DNAJC6: variants seen among roughly 807,000 people sequenced by gnomAD.
DNAJC6 encodes the protein DnaJ heat shock protein family (Hsp40) member C6, also known as auxilin.
DNAJC6 carries 34 observed loss-of-function variants against 110.0 expected under a neutral mutation model. The ratio of observed to expected loss-of-function variants is 0.31; its 90% CI spans 0.24 to 0.41. DNAJC6 has a LOEUF of 0.41. Among genes scored for constraint, DNAJC6 ranks in the 10% least tolerant of loss-of-function variants. The pLI is 1.00. For synonymous variants in DNAJC6, 406 were observed against 437.2 expected (o/e 0.93, Z 0.89); for missense variants, 1,031 against 1,207.8 (o/e 0.85, Z 2.17).
intron 14 of DNAJC6, among the ~76,000 whole-genome samples, chr1:65,401,413 C>T (rs546499013): frequency 9.9e-5 from 15 of 152,274 alleles, no homozygotes; most frequent in Middle Eastern, 3.4e-3. Flanking sequence ...AAGATTCCCA[C>T]GGTCACTCAG....
At chr1:65,314,825 G>T (rs1443294218) in intron 1 of DNAJC6, among the ~76,000 whole-genome samples, 2 of 152,354 alleles carry the variant, frequency 1.3e-5, no homozygotes, top group South Asian at 4.1e-4. Context: ...TTATAGTTTG[G>T]ATGTTTCTGG....
rs772994624 is a variant in DNAJC6, at chr1:65,392,688, A to G, written c.1726A>G (p.Thr576Ala). 1.2e-6 allele frequency: 2 copies of G among 1,612,806 alleles called. No homozygotes were observed. Among genetic ancestry groups the G allele is most frequent in the Admixed American group, 1.7e-5 (1 of 59,856 alleles). Residue 576 changes from threonine (T) to alanine (A), a missense_variant, in exon 12 of 19, where the codon ACC becomes GCC. Thr to Ala is a moderately conservative substitution (Grantham distance 58). Transcript: ENST00000371069. ...NSFSPPAAPP[T>A]NSELLSDLFG... ...CTTCTCTCCGCCAGCGGCTCCTCCC[A>G]CCAATTCTGAACTACTGAGTGACCT...
intron 1 of DNAJC6, among the ~76,000 whole-genome samples, chr1:65,360,720 A>T (rs1645589054): frequency 6.6e-6 from 1 of 152,206 alleles, no homozygotes; most frequent in Non-Finnish European, 1.5e-5. Flanking sequence ...TCAGATTTGT[A>T]ACACTAGCCG....
chr1:65,374,428 CT>C (rs1188907229), intron 4 of DNAJC6, among the ~76,000 whole-genome samples: 4 of 151,772 alleles, frequency 2.6e-5, no homozygotes. Context: ...AATACCTTTC[CT>C]TTTTTTGTGT....
intron 16 of DNAJC6, among the ~76,000 whole-genome samples, chr1:65,407,179 T>C (rs1646085190): frequency 6.6e-6 from 1 of 152,152 alleles, no homozygotes; most frequent in Non-Finnish European, 1.5e-5. Context: ...ATGTGAAGCA[T>C]CCCTCTGTCT....
At chr1:65,386,574 C>A (rs567851083) in intron 7 of DNAJC6, among the ~76,000 whole-genome samples, 88 of 152,268 alleles carry the variant, frequency 5.8e-4, no homozygotes, top group African/African-American at 2.0e-3. Flanking sequence ...CAGGCATGGG[C>A]AATTGCAGTC....
upstream of DNAJC6, among the ~76,000 whole-genome samples, chr1:65,306,972 TTCTCTCTCTCTCTCTCTCTC>T (rs144458447): frequency 3.9e-3 from 352 of 90,426 alleles, 3 homozygotes; most frequent in East Asian, 0.015. Context: ...CTCAATCTGT[TTCTCTCTCTCTCTCTCTCTC>T]TCTCTCTCTC....
intron 1 of DNAJC6, among the ~76,000 whole-genome samples, chr1:65,304,281 C>T (rs771721466): frequency 3.9e-5 from 6 of 152,094 alleles, no homozygotes; most frequent in Non-Finnish European, 7.3e-5. Flanking sequence ...CAGATATCCC[C>T]ACTCCTAAGA....
intron 1 of DNAJC6, among the ~76,000 whole-genome samples, chr1:65,304,323 G>A (rs1300140649): frequency 1.3e-5 from 2 of 152,130 alleles, no homozygotes; most frequent in African/African-American, 4.8e-5. Flanking sequence ...ATTTTCTTCT[G>A]TTAAATGTCA....
Position 65,401,794 on chromosome 1 carries a change from C to T in DNAJC6, c.2141C>T (p.Thr714Ile). The T allele has an allele frequency of 6.2e-7, 1 of 1,613,774 alleles. No homozygotes were observed. The highest frequency in any genetic ancestry group is 8.5e-7 in the Non-Finnish European group (1 of 1,179,928). The stretch of plus-strand genomic sequence containing the variant: ...GGAATGGGAAGCAAGTCAGCTGCCA[C>T]CAGCCCAACCGGATCCTCGCATGGT... ...GFGMGSKSAA[T>I]SPTGSSHGTP... Residue 714 changes from threonine (T) to isoleucine (I), a missense_variant, in exon 15 of 19, where the codon ACC (threonine) becomes ATC (isoleucine). Transcript: ENST00000371069.
At chr1:65,294,408 GA>G (rs34516051) in intron 1 of DNAJC6, among the ~76,000 whole-genome samples, 11 of 151,314 alleles carry the variant, frequency 7.3e-5, no homozygotes, top group Admixed American at 2.6e-4. Flanking sequence ...TGTTGACTAT[GA>G]AAAAAAAATC....
At chr1:65,270,753 G>A (rs1297495619) in intron 1 of DNAJC6, among the ~76,000 whole-genome samples, 2 of 152,134 alleles carry the variant, frequency 1.3e-5, no homozygotes, top group East Asian at 1.9e-4. Context: ...ATCTTGGCTC[G>A]CTGCAACGTC....
At chr1:65,359,257 G>C (rs534704634) in intron 1 of DNAJC6, among the ~76,000 whole-genome samples, 10 of 152,156 alleles carry the variant, frequency 6.6e-5, no homozygotes. Context: ...TCTCTCCCAG[G>C]AAACACAAAT....
chr1:65,274,358 C>T (rs1267056583), intron 1 of DNAJC6, among the ~76,000 whole-genome samples: 1 of 152,000 alleles, frequency 6.6e-6, no homozygotes, highest in Non-Finnish European at 1.5e-5. Context: ...GCTCTGTCAT[C>T]CAGGCTGGAG....
intron 1 of DNAJC6, among the ~76,000 whole-genome samples, chr1:65,292,704 G>A (rs939290688): frequency 6.6e-6 from 1 of 151,830 alleles, no homozygotes; most frequent in African/African-American, 2.4e-5. Context: ...CAAAGTACTG[G>A]GAATATAGGT....
chr1:65,315,465 C>A (rs542150048), intron 1 of DNAJC6, among the ~76,000 whole-genome samples: 1 of 152,088 alleles, frequency 6.6e-6, no homozygotes, highest in African/African-American at 2.4e-5. Context: ...TCTGGAAGGA[C>A]TTTCAACGTA....
upstream of DNAJC6, among the ~76,000 whole-genome samples, chr1:65,304,623 C>G (rs1157596266): frequency 1.3e-5 from 2 of 152,178 alleles, no homozygotes. Context: ...CAAGGCCACC[C>G]TGCTGATTAA....
Position 65,309,807 on chromosome 1 carries a change from T to C in DNAJC6, c.62T>C (p.Leu21Pro). 6.5e-7 allele frequency: 1 copy of C among 1,549,882 alleles called. No individual in the cohort carries two copies. Among genetic ancestry groups the C allele is most frequent in the African/African-American group, 1.4e-5 (1 of 72,996 alleles). Reference protein sequence around the residue: ...TSNDGYESLQLVDSNGDLSAG... With the variant: ...TSNDGYESLQPVDSNGDLSAG... ...AACGATGGTTATGAATCTTTGCAGC[T>C]GGTGGACAGTAACGGGGACTTAAGT... is the stretch of plus-strand genomic sequence containing the variant. Residue 21 changes from leucine (L) to proline (P), a missense_variant, in exon 1 of 19, where the codon CTG becomes CCG. Leu to Pro is a moderately conservative substitution (Grantham distance 98). Coordinates refer to ENST00000371069, the MANE Select transcript of DNAJC6 (RefSeq NM_001256864.2).
chr1:65,341,324 G>A (rs1354932707), intron 1 of DNAJC6, among the ~76,000 whole-genome samples: 1 of 152,138 alleles, frequency 6.6e-6, no homozygotes. Context: ...GGATTTTGCA[G>A]AGGACACATT....
Sources: gnomAD v4.1 joint callset for allele counts (sites outside exome capture counted in the v4.1 genomes callset) on GRCh38, gnomAD v4.1.1 for gene constraint, MANE v1.5 for transcripts, NCBI Gene and HGNC (gene_info 2026-07-23, HGNC 2026-07-21) for gene names.